Variants in SRFBP1 observed in about 807,000 individuals in gnomAD.
SRFBP1 encodes serum response factor-binding protein 1.
A neutral mutation model predicts 45.5 loss-of-function variants in SRFBP1; 47 were observed. The ratio of observed to expected loss-of-function variants is 1.03; its 90% CI spans 0.82 to 1.32. The LOEUF is 1.32. Ranked by LOEUF, SRFBP1 falls within the 40% of genes most tolerant of loss-of-function variation. The pLI, the probability that SRFBP1 is intolerant of heterozygous loss-of-function variation, is 0.00. For missense variants in SRFBP1, 621 were observed against 484.6 expected, an observed-to-expected ratio of 1.28 and a Z score of -2.64; for synonymous variants, 203 against 166.3, an observed-to-expected ratio of 1.22 and a Z score of -1.70.
chr5:122,036,515 C>T lies in SRFBP1; in HGVS notation n.311+14108C>T, dbSNP rs555428326. On this transcript the variant is annotated intron_variant and non_coding_transcript_variant, in intron 2 of 2. Transcript: ENST00000504881. The stretch of plus-strand genomic sequence containing the variant: ...TCTGAGCCTTTTGCGAACGTAGTAC[C>T]GATTTGATCAGACAGTTTATGTTAA... Among the ~76,000 whole-genome samples the T allele has an allele frequency of 5.3e-5, 8 of 152,200 alleles. No individual in the cohort carries two copies. In the South Asian group the frequency reaches 1.2e-3, roughly 24 times the overall value.
chr5:121,975,328 G>A lies in SRFBP1; in HGVS notation c.139G>A (p.Ala47Thr), dbSNP rs1363091321. Residue 47 changes from alanine (A) to threonine (T), a missense_variant, in exon 3 of 8, where the codon GCA becomes ACA. By Grantham distance (58) the Ala-to-Thr change is moderately conservative. Transcript: ENST00000339397. Reference protein sequence around the residue: ...RLKSKKGTEDALLKNQRRAQR... With the variant: ...RLKSKKGTEDTLLKNQRRAQR... ...TATTTTTTGCAGGGGTACTGAAGAT[G>A]CACTGTTAAAAAACCAAAGACGGGC... The A allele has an allele frequency of 6.2e-7, 1 of 1,613,058 alleles. No homozygotes were observed. Among genetic ancestry groups the A allele is most frequent in the South Asian group, 1.1e-5 (1 of 91,060 alleles).
chr5:122,026,229 A>T (rs1016061321), intron 7 of SRFBP1, among the ~76,000 whole-genome samples: 2 of 152,220 alleles, frequency 1.3e-5, no homozygotes, highest in Admixed American at 1.3e-4. Flanking sequence ...TCTGTAAGCA[A>T]CTAAAATGTG....
At chr5:121,972,354 G>T (rs1264604484) in intron 1 of SRFBP1, among the ~76,000 whole-genome samples, 1 of 151,850 alleles carries the variant, frequency 6.6e-6, no homozygotes, top group South Asian at 2.1e-4. Flanking sequence ...TTCTCCACAC[G>T]ATTGAAAGAG....
At chr5:121,962,526 CTG>C (rs1230611275) in intron 1 of SRFBP1, among the ~76,000 whole-genome samples, 3 of 152,218 alleles carry the variant, frequency 2.0e-5, no homozygotes, top group South Asian at 2.1e-4. Flanking sequence ...TTGAATGAGA[CTG>C]TATGCTCAGT....
chr5:121,990,382 A>G (rs1371917543), intron 3 of SRFBP1, among the ~76,000 whole-genome samples: 2 of 152,148 alleles, frequency 1.3e-5, no homozygotes, highest in Non-Finnish European at 2.9e-5. Context: ...ATCATTGAGT[A>G]CCTATGGACT....
At chr5:122,021,739 T>G (rs1043692774) in intron 6 of SRFBP1, among the ~76,000 whole-genome samples, 4 of 146,644 alleles carry the variant, frequency 2.7e-5, no homozygotes, top group African/African-American at 1.0e-4. Context: ...TGCAGTGGTG[T>G]GATCTTGGCT....
intron 3 of SRFBP1, among the ~76,000 whole-genome samples, chr5:121,976,951 AAG>A (rs1055616545): frequency 6.6e-6 from 1 of 151,838 alleles, no homozygotes; most frequent in Non-Finnish European, 1.5e-5. Context: ...GTGGTGTATG[AAG>A]AGTTTGAGAA....
chr5:122,050,938 C>G (rs899939179), intron 2 of SRFBP1, among the ~76,000 whole-genome samples: 1 of 152,106 alleles, frequency 6.6e-6, no homozygotes, highest in Non-Finnish European at 1.5e-5. Flanking sequence ...CCTAGAGATT[C>G]TAGTATGTTG....
Position 122,020,346 on chromosome 5 carries a change from C to T in SRFBP1, c.611C>T (p.Pro204Leu), listed in dbSNP as rs762519976. The T allele has an allele frequency of 9.9e-6, 16 of 1,613,960 alleles. No homozygotes were observed. Among genetic ancestry groups the T allele is most frequent in the Admixed American group, 1.7e-5 (1 of 59,990 alleles). Residue 204 changes from proline (P) to leucine (L), a missense_variant, in exon 6 of 8, where the codon CCA (proline) becomes CTA (leucine). Physicochemically the swap from Pro to Leu is moderately conservative, Grantham distance 98 (BLOSUM62 -3). Transcript: ENST00000339397. ...GPKAVTIANS[P>L]SKPSEKDSVV... Reference sequence around the variant, plus strand: ...AAAGCAGTGACTATTGCAAATTCTCCATCAAAGCCTTCAGAAAAGGATTCT... The same window carrying T: ...AAAGCAGTGACTATTGCAAATTCTCTATCAAAGCCTTCAGAAAAGGATTCT...
chr5:121,974,159 A>T (rs1270265054), intron 1 of SRFBP1, 37 bp from the exon 2 acceptor site: 1 of 1,434,288 alleles, frequency 7.0e-7, no homozygotes, highest in South Asian at 1.2e-5. Flanking sequence ...TCCTGAAGTA[A>T]GTGCCTTTCT....
chr5:122,058,406 C>T (rs1352939545), intron 2 of SRFBP1, among the ~76,000 whole-genome samples: 1 of 151,706 alleles, frequency 6.6e-6, no homozygotes, highest in African/African-American at 2.4e-5. Context: ...GATTGATTTC[C>T]TTGGGTTTTC....
chr5:122,013,971 C>T (rs1399984834), intron 4 of SRFBP1, among the ~76,000 whole-genome samples: 1 of 151,184 alleles, frequency 6.6e-6, no homozygotes, highest in Non-Finnish European at 1.5e-5. Context: ...TTCTGGTGCT[C>T]TGTAGCACAG....
intron 4 of SRFBP1, among the ~76,000 whole-genome samples, chr5:121,995,031 A>T (rs529651486): frequency 1.3e-5 from 2 of 151,734 alleles, no homozygotes. Context: ...TGAGTGACCT[A>T]CAAAGAGACT....
chr5:122,044,365 C>A (rs1433640510), intron 2 of SRFBP1, among the ~76,000 whole-genome samples: 1 of 151,984 alleles, frequency 6.6e-6, no homozygotes, highest in African/African-American at 2.4e-5. Context: ...GGATATATAC[C>A]CAATAATGAG....
intron 3 of SRFBP1, among the ~76,000 whole-genome samples, chr5:121,977,292 A>G (rs908650038): frequency 5.9e-5 from 9 of 151,992 alleles, no homozygotes; most frequent in African/African-American, 2.2e-4. Flanking sequence ...TTCATAGTAT[A>G]TATATGTCTT....
chr5:122,048,530 G>A (rs183073616), intron 2 of SRFBP1, among the ~76,000 whole-genome samples: 20 of 152,262 alleles, frequency 1.3e-4, no homozygotes, highest in Admixed American at 5.9e-4. Context: ...TCTGTGTCAG[G>A]CTTTGGTATC....
chr5:122,077,555 T>C (rs1358871918), downstream of SRFBP1: 4 of 1,613,140 alleles, frequency 2.5e-6, no homozygotes, highest in Non-Finnish European at 3.4e-6. The surrounding 1 kb of genome is among the most constrained non-coding windows in gnomAD (Gnocchi z 4.9). Flanking sequence ...CGCTGTCTGG[T>C]TCTCCGCGCG....
intron 2 of SRFBP1, among the ~76,000 whole-genome samples, chr5:122,062,054 A>C (rs1754179866): frequency 6.6e-6 from 1 of 151,960 alleles, no homozygotes; most frequent in Non-Finnish European, 1.5e-5. Flanking sequence ...AAATTTAAGA[A>C]ACACTAGATA....
At position 121,968,127 on chromosome 5, in the gene SRFBP1, A is replaced by G. The variant is rs573303698; in HGVS notation, c.36+6059A>G. On this transcript the variant is annotated intron_variant, in intron 1 of 7. Coordinates refer to ENST00000339397, the MANE Select transcript of SRFBP1 (RefSeq NM_152546.3). ...CTTTTAAACTGCATATTGTTTTACA[A>G]ATTATAAATTGTAGTAGTCTCCCTT... Among the ~76,000 whole-genome samples the G allele has an allele frequency of 1.4e-4, 21 of 152,086 alleles. No homozygotes were observed. The South Asian group carries it at 4.4e-3, about 32-fold the overall frequency.
Sources: gnomAD v4.1 joint callset for allele counts (sites outside exome capture counted in the v4.1 genomes callset) on GRCh38, gnomAD v4.1.1 for gene constraint, Gnocchi (gnomAD v3.1) non-coding constraint, MANE v1.5 for transcripts, NCBI Gene and HGNC (gene_info 2026-07-23, HGNC 2026-07-21) for gene names.